Variants in GNA12 observed in about 807,000 individuals in gnomAD.
The protein encoded by GNA12 is guanine nucleotide-binding protein subunit alpha-12.
A neutral mutation model predicts 26.0 loss-of-function variants in GNA12; 9 were observed. The observed-to-expected ratio is 0.35, with a 90% CI of 0.21 to 0.60. The LOEUF (loss-of-function observed/expected upper bound fraction) is 0.60, where lower values mean the gene tolerates loss of function less well. GNA12 is among the 20% of genes least tolerant of loss of function. The pLI is 0.78. For missense variants in GNA12, 405 were observed against 525.8 expected (o/e 0.77, Z 2.25); for synonymous variants, 264 against 219.6 (o/e 1.20, Z -1.79).
chr7:2,737,266 TTTG>T lies in GNA12; in HGVS notation c.526-3768_526-3766del, dbSNP rs1246238346. Among the ~76,000 whole-genome samples, 2 of 66,120 alleles carry T rather than the reference TTTG, an allele frequency of 3.0e-5. 1 individual carries two copies. Among genetic ancestry groups the T allele is most frequent in the Non-Finnish European group, 7.0e-5 (2 of 28,642 alleles). The allele number at this position is 66,120 out of a possible 152,430, so 43.4% of individuals were successfully genotyped here. Reference sequence around the variant, plus strand: ...GCCCATTCAGGAGCTATCTCACAGTTTTGTTTTGTTTTTTTTTTTTTTGTTTTT... The same window carrying T: ...GCCCATTCAGGAGCTATCTCACAGTTTTTTGTTTTTTTTTTTTTTGTTTTT... On this transcript the variant is annotated intron_variant, in intron 2 of 3. Coordinates refer to ENST00000275364, the MANE Select transcript of GNA12 (RefSeq NM_007353.3).
rs75712661 is a variant in GNA12 at position 2,814,349 on chromosome 7, C to T, written c.310-19206G>A. ...GTGTGCAATGAGTAGGTGCTCAAAA[C>T]GGCAGCACTTTCGGTTTCCATCTGG... is the stretch of plus-strand genomic sequence containing the variant. On this transcript the variant is annotated intron_variant, in intron 1 of 3. Transcript: ENST00000275364. The T allele has an allele frequency of 1.2e-4, 197 of 1,604,752 alleles. 2 individuals are homozygous for T. In the East Asian group the frequency reaches 3.4e-3, roughly 28 times the overall value.
chr7:2,780,521 A>G (rs1282957223), intron 2 of GNA12, among the ~76,000 whole-genome samples: 2 of 152,208 alleles, frequency 1.3e-5, no homozygotes, highest in East Asian at 3.8e-4. Flanking sequence ...GTCTTCTAGA[A>G]GCAACCACTG....
intron 2 of GNA12, among the ~76,000 whole-genome samples, chr7:2,748,371 C>T (rs1583230800): frequency 2.6e-5 from 4 of 152,222 alleles, no homozygotes; most frequent in Non-Finnish European, 5.9e-5. Context: ...CTACAACTAT[C>T]TGATCTTTGA....
chr7:2,742,391 T>C (rs1313215861), intron 2 of GNA12, among the ~76,000 whole-genome samples: 2 of 152,194 alleles, frequency 1.3e-5, no homozygotes, highest in East Asian at 1.9e-4. Context: ...GTGTTTAACA[T>C]GACAGTTTCG....
chr7:2,778,943 G>A (rs1792150077), intron 2 of GNA12, among the ~76,000 whole-genome samples: 1 of 152,172 alleles, frequency 6.6e-6, no homozygotes, highest in African/African-American at 2.4e-5. Flanking sequence ...TTAAGGGTAC[G>A]TTATATTTAA....
intron 1 of GNA12, among the ~76,000 whole-genome samples, chr7:2,827,007 G>A (rs1206208782): frequency 6.6e-6 from 1 of 152,114 alleles, no homozygotes; most frequent in Non-Finnish European, 1.5e-5. Context: ...TTACTCACAG[G>A]GGAAAACTGG....
At chr7:2,818,546 T>C (rs1467170006) in intron 1 of GNA12, among the ~76,000 whole-genome samples, 1 of 152,208 alleles carries the variant, frequency 6.6e-6, no homozygotes, top group Non-Finnish European at 1.5e-5. Context: ...ACAGATTGCC[T>C]GAGGTCAGGA....
At position 2,730,458 on chromosome 7, in the gene GNA12, T is replaced by A. The variant is rs535004793; in HGVS notation, c.*723A>T. 2 of 152,596 alleles carry A rather than the reference T, an allele frequency of 1.3e-5. No homozygotes were observed. Among genetic ancestry groups the A allele is most frequent in the South Asian group, 4.1e-4 (2 of 4,828 alleles). 9.5% of individuals were successfully genotyped at this position (152,596 alleles called of 1,614,324 possible). A position where few individuals can be genotyped will look rare whatever the true frequency, so the allele number is the denominator to read the frequency against. Reference sequence around the variant, plus strand: ...GGGGCAGGGTGGGAAGGGCTGAGCCTGCTGTAGGGGCGTAAGGTGAATCCA... The same window carrying A: ...GGGGCAGGGTGGGAAGGGCTGAGCCAGCTGTAGGGGCGTAAGGTGAATCCA... On this transcript the variant is annotated 3_prime_UTR_variant, in exon 4 of 4. Coordinates refer to ENST00000275364, the MANE Select transcript of GNA12 (RefSeq NM_007353.3).
chr7:2,841,302 G>A lies in GNA12; in HGVS notation c.309+2551C>T, dbSNP rs535137895. Reference sequence around the variant, plus strand: ...GTTTTCTAACACGCACTTCATACAGGGATTTAGATTTCAGATTCTATGTTT... The same window carrying A: ...GTTTTCTAACACGCACTTCATACAGAGATTTAGATTTCAGATTCTATGTTT... On this transcript the variant is annotated intron_variant, in intron 1 of 3. Transcript: ENST00000275364. Among the ~76,000 whole-genome samples, 4 of 152,242 alleles carry A rather than the reference G, an allele frequency of 2.6e-5. No individual in the cohort carries two copies. The East Asian group carries it at 5.8e-4, about 22-fold the overall frequency.
At chr7:2,824,232 C>T (rs766700037) in intron 1 of GNA12, among the ~76,000 whole-genome samples, 14 of 152,140 alleles carry the variant, frequency 9.2e-5, no homozygotes, top group Non-Finnish European at 1.6e-4. Context: ...AGGGCAACCC[C>T]GTGAATGTCC....
chr7:2,765,338 T>C lies in GNA12; in HGVS notation c.525+29590A>G, dbSNP rs142641758. Among the ~76,000 whole-genome samples the C allele has an allele frequency of 3.5e-3, 538 of 151,980 alleles. 4 individuals are homozygous for C. Among genetic ancestry groups the C allele is most frequent in the African/African-American group, 0.012 (483 of 41,488 alleles). On this transcript the variant is annotated intron_variant, in intron 2 of 3. Coordinates refer to ENST00000275364, the MANE Select transcript of GNA12 (RefSeq NM_007353.3). ...AATTTTTTTGTATTTTTAGTAGAGATGGGGTTTCATTTAGTAGAGATGGTG... is the reference window on the plus strand; with the variant it reads ...AATTTTTTTGTATTTTTAGTAGAGACGGGGTTTCATTTAGTAGAGATGGTG...
At chr7:2,820,369 T>C (rs1475290256) in intron 1 of GNA12, among the ~76,000 whole-genome samples, 1 of 151,080 alleles carries the variant, frequency 6.6e-6, no homozygotes. Flanking sequence ...AATGAGGGCA[T>C]GGTATGATAT....
rs558700038 is a variant in GNA12 at position 2,741,290 on chromosome 7, G to C, written c.526-7789C>G. Among the ~76,000 whole-genome samples the C allele has an allele frequency of 4.3e-3, 648 of 152,218 alleles. 6 individuals are homozygous for C. The highest frequency in any genetic ancestry group is 0.015 in the African/African-American group (620 of 41,518). ...GGATCACTTGAGCCCAGGAGGTTGA[G>C]GATGCAGTGAGCCATGATTGCGCCA... On this transcript the variant is annotated intron_variant, in intron 2 of 3. Coordinates refer to ENST00000275364, the MANE Select transcript of GNA12 (RefSeq NM_007353.3).
At chr7:2,749,236 C>G (rs1482517985) in intron 2 of GNA12, among the ~76,000 whole-genome samples, 1 of 152,122 alleles carries the variant, frequency 6.6e-6, no homozygotes, top group Non-Finnish European at 1.5e-5. Flanking sequence ...GCACTATTCA[C>G]AATAGCAAAG....
At chr7:2,835,839 T>C (rs1778821974) in intron 1 of GNA12, 2 of 632,606 alleles carry the variant, frequency 3.2e-6, no homozygotes, top group Middle Eastern at 4.6e-4. Flanking sequence ...AAATCGGTGA[T>C]GTCTTCATTA....
At chr7:2,783,706 A>G (rs1396166320) in intron 2 of GNA12, among the ~76,000 whole-genome samples, 1 of 141,624 alleles carries the variant, frequency 7.1e-6, no homozygotes, top group African/African-American at 2.7e-5. Flanking sequence ...TTATTTTGAG[A>G]TGTAGTATTG....
chr7:2,788,678 G>C (rs1326426925), intron 2 of GNA12, among the ~76,000 whole-genome samples: 1 of 152,218 alleles, frequency 6.6e-6, no homozygotes, highest in Non-Finnish European at 1.5e-5. Context: ...GCAAAGAGCT[G>C]TGCAGCCAGG....
At chr7:2,810,928 A>AAAC in intron 1 of GNA12, among the ~76,000 whole-genome samples, 1 of 152,258 alleles carries the variant, frequency 6.6e-6, no homozygotes, top group Admixed American at 6.5e-5. Context: ...AAAGAAAAAA[A>AAAC]CAAAAAGATA....
At chr7:2,824,051 C>T (rs551667984) in intron 1 of GNA12, among the ~76,000 whole-genome samples, 55 of 152,306 alleles carry the variant, frequency 3.6e-4, no homozygotes, top group African/African-American at 1.2e-3. Flanking sequence ...ACAGATCACA[C>T]CCATGTCTGC....
Sources: gnomAD v4.1 joint callset for allele counts (sites outside exome capture counted in the v4.1 genomes callset) on GRCh38, gnomAD v4.1.1 for gene constraint, MANE v1.5 for transcripts, NCBI Gene and HGNC (gene_info 2026-07-23, HGNC 2026-07-21) for gene names.